Variants in CFAP61 observed in about 807,000 individuals in gnomAD.
CFAP61 encodes cilia- and flagella-associated protein 61.
CFAP61 carries 107 observed loss-of-function variants against 135.6 expected under a neutral mutation model. That is an observed-to-expected ratio of 0.79 (90% confidence interval 0.67 to 0.93). The LOEUF (loss-of-function observed/expected upper bound fraction) is 0.93. CFAP61 is among the 40% of genes least tolerant of loss of function. CFAP61 has a pLI of 0.00. For synonymous variants in CFAP61, 575 were observed against 578.5 expected (o/e 0.99, Z 0.09); for missense variants, 1,507 against 1,556.2 (o/e 0.97, Z 0.53).
chr20:20,142,237 C>T (rs1236313635), intron 8 of CFAP61, among the ~76,000 whole-genome samples: 2 of 152,146 alleles, frequency 1.3e-5, no homozygotes, highest in Admixed American at 6.5e-5. Context: ...CCAGAACTTA[C>T]TAAAAAACCA....
At chr20:20,348,975 G>C (rs931143814) in intron 26 of CFAP61, among the ~76,000 whole-genome samples, 3 of 152,070 alleles carry the variant, frequency 2.0e-5, no homozygotes, top group Non-Finnish European at 1.5e-5. Flanking sequence ...TATTCAGCAT[G>C]GTTTTGGAAG....
chr20:20,098,625 A>AAAG, intron 7 of CFAP61, 30 bp from the exon 8 acceptor site: 1 of 1,531,004 alleles, frequency 6.5e-7, no homozygotes, highest in Non-Finnish European at 8.7e-7. Context: ...AAAAAAAAAA[A>AAAG]AGAATAATGA....
chr20:20,284,241 CA>C (rs1396872073), intron 22 of CFAP61, among the ~76,000 whole-genome samples: 1 of 151,028 alleles, frequency 6.6e-6, no homozygotes, highest in African/African-American at 2.4e-5. Context: ...TAGTCTATTT[CA>C]ATTGGCTCTT....
intron 25 of CFAP61, among the ~76,000 whole-genome samples, chr20:20,304,849 C>T (rs1057324917): frequency 2.6e-5 from 4 of 152,060 alleles, no homozygotes; most frequent in East Asian, 3.9e-4. Flanking sequence ...CGTGTCTTCT[C>T]GGCTTTCCTG....
chr20:20,168,913 C>T lies in CFAP61; in HGVS notation c.1246-408C>T, dbSNP rs117252894. Among the ~76,000 whole-genome samples the T allele has an allele frequency of 4.7e-3, 721 of 152,302 alleles. 1 individual carries two copies. Among genetic ancestry groups the T allele is most frequent in the Admixed American group, 0.012 (181 of 15,294 alleles). On this transcript the variant is annotated intron_variant, in intron 12 of 26. Coordinates refer to ENST00000245957, the MANE Select transcript of CFAP61 (RefSeq NM_015585.4). ...TGCCTGAAGTATCATCCTCCCATCT[C>T]GCAAGAGGAAGGGACCACTGGTGTA...
chr20:20,177,066 A>G (rs918992477), intron 13 of CFAP61, among the ~76,000 whole-genome samples: 5 of 152,010 alleles, frequency 3.3e-5, no homozygotes, highest in Non-Finnish European at 7.4e-5. Context: ...ATTTTTTGGT[A>G]CTGCTGAGTT....
chr20:20,338,218 AAGG>A (rs2058313443), intron 25 of CFAP61, among the ~76,000 whole-genome samples: 1 of 152,146 alleles, frequency 6.6e-6, no homozygotes, highest in Admixed American at 6.5e-5. Flanking sequence ...GGCATCTTAG[AAGG>A]AGAACAGTCT....
At position 20,098,703 on chromosome 20, in the gene CFAP61, A is replaced by C. The variant is rs2047779434; in HGVS notation, c.748A>C (p.Met250Leu). 2 of 1,613,664 alleles carry C rather than the reference A, an allele frequency of 1.2e-6. No homozygotes were observed. Among genetic ancestry groups the C allele is most frequent in the Non-Finnish European group, 1.7e-6 (2 of 1,179,970 alleles). The change falls in exon 8 of 27, where the codon ATG becomes CTG. Residue 250 changes from methionine (M) to leucine (L), a missense_variant. Coordinates refer to ENST00000245957, the MANE Select transcript of CFAP61 (RefSeq NM_015585.4). ...GFMSVCSRVNMQLLHECFDLG... is the reference protein window; with the variant it reads ...GFMSVCSRVNLQLLHECFDLG... ...CATGAGTGTGTGCTCAAGAGTGAAC[A>C]TGCAACTGCTGCATGAGTGCTTTGA...
chr20:20,105,090 T>C (rs1186702563), intron 8 of CFAP61, among the ~76,000 whole-genome samples: 3 of 152,074 alleles, frequency 2.0e-5, no homozygotes, highest in Non-Finnish European at 4.4e-5. Flanking sequence ...TGGTCCCTAA[T>C]AGGGGGGCGG....
intron 25 of CFAP61, among the ~76,000 whole-genome samples, chr20:20,327,822 C>CA (rs11087318): frequency 1 from 140,807 of 140,808 alleles, 70,403 homozygotes; most frequent in Non-Finnish European, 1. Flanking sequence ...AAACAGGAGG[C>CA]TTTGAGGTCC....
intron 25 of CFAP61, among the ~76,000 whole-genome samples, chr20:20,315,776 A>G (rs1324370309): frequency 6.6e-6 from 1 of 152,144 alleles, no homozygotes; most frequent in Non-Finnish European, 1.5e-5. Flanking sequence ...TTTTCCCAGC[A>G]CCATTTATTA....
intron 7 of CFAP61, among the ~76,000 whole-genome samples, chr20:20,092,397 C>A (rs900256634): frequency 1.3e-5 from 2 of 152,248 alleles, no homozygotes; most frequent in African/African-American, 4.8e-5. Context: ...CATGATTCTT[C>A]ATCTACTCAT....
intron 13 of CFAP61, among the ~76,000 whole-genome samples, chr20:20,187,071 G>A (rs1445887636): frequency 8.5e-5 from 13 of 152,162 alleles, no homozygotes; most frequent in Admixed American, 8.5e-4. Context: ...TGGGTAGGAG[G>A]TCCACACTGA....
At chr20:20,334,041 G>A (rs146149329) in intron 25 of CFAP61, among the ~76,000 whole-genome samples, 1 of 152,220 alleles carries the variant, frequency 6.6e-6, no homozygotes, top group East Asian at 1.9e-4. Flanking sequence ...AGCAGAGAAA[G>A]CCTTGCAAAG....
chr20:20,246,555 C>T (rs557516883), intron 19 of CFAP61, among the ~76,000 whole-genome samples: 11 of 152,274 alleles, frequency 7.2e-5, no homozygotes, highest in East Asian at 1.9e-4. Flanking sequence ...TCTGACAGGG[C>T]GCCTGGCTGG....
intron 25 of CFAP61, among the ~76,000 whole-genome samples, chr20:20,338,824 A>G (rs1009786683): frequency 1.3e-5 from 2 of 152,222 alleles, no homozygotes; most frequent in African/African-American, 4.8e-5. Flanking sequence ...GCAGGCAAGG[A>G]TGACCTCTGG....
At chr20:20,072,962 G>T (rs767716321) in intron 3 of CFAP61, among the ~76,000 whole-genome samples, 11 of 152,088 alleles carry the variant, frequency 7.2e-5, no homozygotes, top group Non-Finnish European at 1.2e-4. Context: ...AATTTGAAAT[G>T]ACATTTGTGG....
chr20:20,358,014 GTGAGGGGAGGTGGTCACAC>G (rs2059316103), intron 26 of CFAP61, among the ~76,000 whole-genome samples: 2 of 135,458 alleles, frequency 1.5e-5, no homozygotes, highest in Non-Finnish European at 3.2e-5. Context: ...TGGTCACAGT[GTGAGGGGAGGTGGTCACAC>G]TGAGGAGAGG....
At chr20:20,178,893 A>G (rs1330730544) in intron 13 of CFAP61, among the ~76,000 whole-genome samples, 1 of 151,930 alleles carries the variant, frequency 6.6e-6, no homozygotes, top group African/African-American at 2.4e-5. Flanking sequence ...TTTATTTTTG[A>G]TTTAAACTGA....
Sources: allele counts gnomAD v4.1 joint callset (sites outside exome capture counted in the v4.1 genomes callset), GRCh38; gene constraint gnomAD v4.1.1; transcripts MANE v1.5; gene names NCBI Gene and HGNC (gene_info 2026-07-23, HGNC 2026-07-21).